FPR2: variants seen among roughly 807,000 people sequenced by gnomAD.
FPR2 encodes the protein formyl peptide receptor 2.
Under a neutral mutation model 4.0 loss-of-function variants are expected in FPR2, and 3 were observed. The observed-to-expected ratio is 0.74, with a 90% CI of 0.34 to 1.92. FPR2 has a LOEUF of 1.92. FPR2 is among the 30% of genes most tolerant of loss of function. The probability of loss-of-function intolerance (pLI) is 0.07; values close to 1 mark genes in which losing one functional copy is unlikely to be tolerated. For synonymous variants in FPR2, 179 were observed against 171.5 expected (o/e 1.04, Z -0.34); for missense variants, 372 against 435.7 (o/e 0.85, Z 1.30).
intron 1 of FPR2, among the ~76,000 whole-genome samples, chr19:51,765,082 C>T (rs1276289613): frequency 6.6e-6 from 1 of 152,222 alleles, no homozygotes; most frequent in East Asian, 1.9e-4. Flanking sequence ...CTGTCTTGGC[C>T]TCCCAAAGTG....
At chr19:51,765,250 G>T (rs976073259) in intron 1 of FPR2, among the ~76,000 whole-genome samples, 6 of 152,200 alleles carry the variant, frequency 3.9e-5, no homozygotes, top group Non-Finnish European at 7.3e-5. Flanking sequence ...GGGTGGAAAA[G>T]GGTTAACAGC....
At chr19:51,764,349 T>C (rs915733492) in intron 1 of FPR2, among the ~76,000 whole-genome samples, 2 of 152,172 alleles carry the variant, frequency 1.3e-5, no homozygotes, top group Non-Finnish European at 2.9e-5. Context: ...ATTTTCTCAT[T>C]ATAATGTCAG....
At chr19:51,767,237 C>T (rs1238853670) in intron 1 of FPR2, among the ~76,000 whole-genome samples, 1 of 152,096 alleles carries the variant, frequency 6.6e-6, no homozygotes, top group Non-Finnish European at 1.5e-5. Context: ...AACAGGCAGC[C>T]TGGATGTTTC....
At chr19:51,764,029 G>A (rs76114996) in intron 1 of FPR2, among the ~76,000 whole-genome samples, 12,182 of 152,204 alleles carry the variant, frequency 0.08, 599 homozygotes, top group South Asian at 0.17. Context: ...TAAATGTTGG[G>A]ATTACAGGTG....
At chr19:51,766,801 G>A (rs1363411657) in intron 1 of FPR2, among the ~76,000 whole-genome samples, 1 of 152,192 alleles carries the variant, frequency 6.6e-6, no homozygotes, top group Non-Finnish European at 1.5e-5. Flanking sequence ...CAAGTGCTAT[G>A]GAATTGCTAT....
chr19:51,768,461 T>C (rs1405889577), intron 1 of FPR2, 184 bp from the exon 2 acceptor site: 4 of 586,900 alleles, frequency 6.8e-6, no homozygotes, highest in Non-Finnish European at 1.2e-5. Flanking sequence ...TGGAGGACTA[T>C]CCCTTCCCAA....
intron 1 of FPR2, among the ~76,000 whole-genome samples, chr19:51,766,506 T>G (rs1445023444): frequency 6.6e-6 from 1 of 152,072 alleles, no homozygotes; most frequent in African/African-American, 2.4e-5. Context: ...AACTCACTGG[T>G]AATAGCAGGA....
intron 1 of FPR2, among the ~76,000 whole-genome samples, chr19:51,761,471 C>T (rs890243721): frequency 6.6e-6 from 1 of 152,066 alleles, no homozygotes; most frequent in Non-Finnish European, 1.5e-5. Flanking sequence ...ATTTTGGTAA[C>T]GTGTTCCAAT....
intron 1 of FPR2, among the ~76,000 whole-genome samples, chr19:51,765,497 G>A (rs2083863218): frequency 6.6e-6 from 1 of 152,128 alleles, no homozygotes; most frequent in African/African-American, 2.4e-5. Context: ...AATATTCACT[G>A]TGTCTCAGGA....
intron 1 of FPR2, among the ~76,000 whole-genome samples, chr19:51,766,534 G>A (rs1172772090): frequency 6.6e-6 from 1 of 152,168 alleles, no homozygotes; most frequent in Non-Finnish European, 1.5e-5. Flanking sequence ...GAGGAAATAA[G>A]GAAAAGGAAG....
chr19:51,763,651 A>C (rs1419224169), intron 1 of FPR2: 2 of 152,240 alleles, frequency 1.3e-5, no homozygotes, highest in African/African-American at 4.8e-5. Context: ...GAATTCTCTC[A>C]GGAGAAATAG....
At chr19:51,761,538 A>G (rs559998900) in intron 1 of FPR2, among the ~76,000 whole-genome samples, 102 of 152,226 alleles carry the variant, frequency 6.7e-4, no homozygotes, top group African/African-American at 2.0e-3. Context: ...ATTTCTCCCA[A>G]TGATTTTACT....
rs767764043 is a variant in FPR2, at chr19:51,768,715, T to C, written c.57T>C (p.Ser19=). The change falls in exon 2 of 2, where the codon TCT becomes TCC. Residue 19 remains serine (S), a synonymous_variant. Coordinates refer to ENST00000340023, the MANE Select transcript of FPR2 (RefSeq NM_001005738.2). ...LNEYEEVSYE[S]AGYTVLRILP... is the part of the protein sequence containing the mutation. Reference sequence around the variant, plus strand: ...AATATGAAGAAGTGTCCTATGAGTCTGCTGGCTACACTGTTCTGCGGATCC... The same window carrying C: ...AATATGAAGAAGTGTCCTATGAGTCCGCTGGCTACACTGTTCTGCGGATCC... 3.1e-6 allele frequency: 5 copies of C among 1,613,984 alleles called. No homozygotes were observed. Among genetic ancestry groups the C allele is most frequent in the Middle Eastern group, 1.6e-4 (1 of 6,082 alleles).
At chr19:51,767,082 C>A (rs1440714473) in intron 1 of FPR2, among the ~76,000 whole-genome samples, 1 of 152,186 alleles carries the variant, frequency 6.6e-6, no homozygotes, top group Non-Finnish European at 1.5e-5. Flanking sequence ...TCCCTCCCCT[C>A]ACCCTCCACC....
chr19:51,767,414 T>C (rs55823515), intron 1 of FPR2, among the ~76,000 whole-genome samples: 12,058 of 152,256 alleles, frequency 0.079, 584 homozygotes, highest in South Asian at 0.17. Context: ...AAACTTGATC[T>C]GAGAAGCTCT....
At chr19:51,768,239 T>TTG in intron 1 of FPR2, 1 of 168,292 alleles carries the variant, frequency 5.9e-6, no homozygotes, top group Non-Finnish European at 1.3e-5. Flanking sequence ...CTGAAAGAGA[T>TTG]TGCAGAGCTT....
In FPR2 at chr19:51,769,225, G is replaced by A. The variant is rs1215527370; in HGVS notation, c.567G>A (p.Glu189=). The change falls in exon 2 of 2, where the codon GAG becomes GAA. Residue 189 remains glutamate (E), a synonymous_variant. Transcript: ENST00000340023. The surrounding 1 kb of genome is among the most constrained non-coding windows in gnomAD (Gnocchi z 4.4). Reference sequence around the variant, plus strand: ...CATCCTGGGGTGGCACCCCTGAGGAGAGGCTGAAGGTGGCCATTACCATGC... The same window carrying A: ...CATCCTGGGGTGGCACCCCTGAGGAAAGGCTGAAGGTGGCCATTACCATGC... ...NFASWGGTPE[E]RLKVAITMLT... 2 of 1,614,208 alleles carry A rather than the reference G, an allele frequency of 1.2e-6. No homozygotes were observed. Among genetic ancestry groups the A allele is most frequent in the Non-Finnish European group, 1.7e-6 (2 of 1,180,044 alleles).
At chr19:51,762,154 C>T (rs1265793626) in intron 1 of FPR2, among the ~76,000 whole-genome samples, 5 of 149,312 alleles carry the variant, frequency 3.3e-5, no homozygotes, top group South Asian at 2.1e-4. Context: ...GGCGCAGTCT[C>T]GGCTCACTGC....
Position 51,769,219 on chromosome 19 carries a change from T to C in FPR2, c.561T>C (p.Pro187=). 1 of 1,614,214 alleles carries C rather than the reference T, an allele frequency of 6.2e-7. No individual in the cohort carries two copies. Among genetic ancestry groups the C allele is most frequent in the African/African-American group, 1.3e-5 (1 of 75,064 alleles). ...ACTTTGCATCCTGGGGTGGCACCCCTGAGGAGAGGCTGAAGGTGGCCATTA... is the reference window on the plus strand; with the variant it reads ...ACTTTGCATCCTGGGGTGGCACCCCCGAGGAGAGGCTGAAGGTGGCCATTA... ...TFNFASWGGT[P]EERLKVAITM... is the part of the protein sequence containing the mutation. The change falls in exon 2 of 2, where the codon CCT becomes CCC. Residue 187 remains proline, a synonymous_variant. Coordinates refer to ENST00000340023, the MANE Select transcript of FPR2 (RefSeq NM_001005738.2). The surrounding 1 kb of genome is among the most constrained non-coding windows in gnomAD (Gnocchi z 4.4).
Sources: gnomAD v4.1 joint callset for allele counts (sites outside exome capture counted in the v4.1 genomes callset) on GRCh38, gnomAD v4.1.1 for gene constraint, Gnocchi (gnomAD v3.1) non-coding constraint, MANE v1.5 for transcripts, NCBI Gene and HGNC (gene_info 2026-07-23, HGNC 2026-07-21) for gene names.